Variants in CCDC85A observed in about 807,000 individuals in gnomAD.
The protein encoded by CCDC85A is coiled-coil domain-containing protein 85A.
A neutral mutation model predicts 50.2 loss-of-function variants in CCDC85A; 38 were observed. The observed-to-expected ratio is 0.76, with a 90% CI of 0.58 to 0.99. The LOEUF is 0.99. CCDC85A is among the 50% of genes least tolerant of loss of function. The pLI, the probability that CCDC85A is intolerant of heterozygous loss-of-function variation, is 0.00. For synonymous variants in CCDC85A, 366 were observed against 301.4 expected, an observed-to-expected ratio of 1.21 and a Z score of -2.22; for missense variants, 820 against 742.0, an observed-to-expected ratio of 1.11 and a Z score of -1.22.
intron 2 of CCDC85A, among the ~76,000 whole-genome samples, chr2:56,207,759 T>C (rs1391627795): frequency 6.6e-6 from 1 of 152,146 alleles, no homozygotes; most frequent in African/African-American, 2.4e-5. Flanking sequence ...AAACAAAATA[T>C]AAATTCTTTA....
intron 2 of CCDC85A, among the ~76,000 whole-genome samples, chr2:56,231,547 G>T (rs1301909266): frequency 6.6e-6 from 1 of 152,158 alleles, no homozygotes; most frequent in Non-Finnish European, 1.5e-5. Flanking sequence ...ATAGACTCAT[G>T]ACTCTTGGCT....
At chr2:56,358,961 A>ATTT (rs1247665108) in intron 3 of CCDC85A, among the ~76,000 whole-genome samples, 2 of 35,768 alleles carry the variant, frequency 5.6e-5, no homozygotes, top group African/African-American at 1.2e-4. Context: ...ATTTTTTTGT[A>ATTT]TTTTTTTTTT....
intron 2 of CCDC85A, among the ~76,000 whole-genome samples, chr2:56,213,793 C>T (rs1677277511): frequency 6.6e-6 from 1 of 151,948 alleles, no homozygotes; most frequent in Admixed American, 6.6e-5. Flanking sequence ...TGCCTCAACT[C>T]AGGCATAGAA....
At chr2:56,368,604 A>G (rs1016850434) in intron 3 of CCDC85A, among the ~76,000 whole-genome samples, 3 of 152,148 alleles carry the variant, frequency 2.0e-5, no homozygotes, top group Admixed American at 6.6e-5. Flanking sequence ...AGCATCTTTA[A>G]GTAACAGGAA....
intron 2 of CCDC85A, among the ~76,000 whole-genome samples, chr2:56,227,861 G>A: frequency 6.6e-6 from 1 of 152,142 alleles, no homozygotes; most frequent in East Asian, 1.9e-4. Flanking sequence ...GATTGCCCTT[G>A]TCCAGTGATG....
intron 2 of CCDC85A, among the ~76,000 whole-genome samples, chr2:56,246,997 AC>A (rs1336473166): frequency 1.3e-5 from 2 of 152,146 alleles, no homozygotes; most frequent in Non-Finnish European, 2.9e-5. Context: ...ATAATTTTCA[AC>A]ATTTTTCTAT....
At chr2:56,370,324 T>C (rs962130713) in intron 3 of CCDC85A, among the ~76,000 whole-genome samples, 3 of 152,260 alleles carry the variant, frequency 2.0e-5, no homozygotes, top group East Asian at 1.9e-4. Flanking sequence ...CCTTCATTAG[T>C]GTATAAATAC....
At chr2:56,215,270 G>C (rs1677343262) in intron 2 of CCDC85A, among the ~76,000 whole-genome samples, 2 of 151,846 alleles carry the variant, frequency 1.3e-5, no homozygotes, top group South Asian at 4.1e-4. Flanking sequence ...AGGTTTTCTT[G>C]TTGTTGGCGG....
intron 3 of CCDC85A, among the ~76,000 whole-genome samples, chr2:56,372,050 A>T (rs1558664001): frequency 6.6e-6 from 1 of 152,198 alleles, no homozygotes; most frequent in Non-Finnish European, 1.5e-5. Flanking sequence ...CATAAAATAA[A>T]GTTGTTTAAA....
intron 2 of CCDC85A, among the ~76,000 whole-genome samples, chr2:56,277,051 C>G (rs1670981778): frequency 6.6e-6 from 1 of 152,144 alleles, no homozygotes; most frequent in Non-Finnish European, 1.5e-5. Flanking sequence ...TGCTGGGACT[C>G]TCTGAGGCCG....
At chr2:56,207,203 A>C (rs566032798) in intron 2 of CCDC85A, among the ~76,000 whole-genome samples, 20 of 152,202 alleles carry the variant, frequency 1.3e-4, no homozygotes, top group Non-Finnish European at 2.5e-4. Context: ...GTTATGTTCT[A>C]TCTAAATCTC....
Position 56,185,010 on chromosome 2 carries a change from C to T in CCDC85A, c.276+110C>T, listed in dbSNP as rs888441115. The T allele has an allele frequency of 5.3e-6, 7 of 1,328,806 alleles. No individual in the cohort carries two copies. The East Asian group carries it at 1.4e-4, about 27-fold the overall frequency. 82.3% of individuals were successfully genotyped at this position (1,328,806 alleles called of 1,614,324 possible). On this transcript the variant is annotated intron_variant, in intron 1 of 5. Coordinates refer to ENST00000407595, the MANE Select transcript of CCDC85A (RefSeq NM_001080433.2). ...CCCTCCCTCAACAGGTGACCCTCCC[C>T]TTCTCCCGGTCGGCACCCCCTACCC... is the stretch of plus-strand genomic sequence containing the variant.
At chr2:56,186,533 G>T (rs1401447254) in intron 1 of CCDC85A, among the ~76,000 whole-genome samples, 2 of 152,150 alleles carry the variant, frequency 1.3e-5, no homozygotes, top group East Asian at 1.9e-4. Context: ...CCAAGATTTT[G>T]GTTTCTTAGG....
chr2:56,355,499 T>C (rs1675178783), intron 3 of CCDC85A, among the ~76,000 whole-genome samples: 1 of 152,214 alleles, frequency 6.6e-6, no homozygotes, highest in African/African-American at 2.4e-5. Flanking sequence ...ATTTCAGAAA[T>C]GCTTAATTGA....
At position 56,326,176 on chromosome 2, in the gene CCDC85A, G is replaced by A. The variant is rs1023884985; in HGVS notation, c.1241-16703G>A. 2.0e-5 allele frequency among the ~76,000 whole-genome samples: 3 copies of A among 151,988 alleles called. No individual in the cohort carries two copies. The East Asian group carries it at 5.8e-4, about 29-fold the overall frequency. On this transcript the variant is annotated intron_variant, in intron 2 of 5. Coordinates refer to ENST00000407595, the MANE Select transcript of CCDC85A (RefSeq NM_001080433.2). ...AATGGGCTTTGCTGGGCACACCTCA[G>A]GTTAAGTCCAGAAATTGCAGCCTAC... is the stretch of plus-strand genomic sequence containing the variant.
At chr2:56,258,646 C>T (rs906045546) in intron 2 of CCDC85A, among the ~76,000 whole-genome samples, 2 of 152,168 alleles carry the variant, frequency 1.3e-5, no homozygotes, top group African/African-American at 2.4e-5. Flanking sequence ...ATATCTGTGG[C>T]AGGGATAAAG....
intron 3 of CCDC85A, among the ~76,000 whole-genome samples, chr2:56,345,502 A>G (rs1253762025): frequency 1.3e-5 from 2 of 152,228 alleles, no homozygotes; most frequent in Non-Finnish European, 2.9e-5. Context: ...AGATCTGTCA[A>G]TTCAAAAACA....
chr2:56,300,027 C>T (rs889639225), intron 2 of CCDC85A, among the ~76,000 whole-genome samples: 20 of 152,108 alleles, frequency 1.3e-4, no homozygotes, highest in African/African-American at 3.6e-4. Context: ...GGTGACAAAA[C>T]GGTGTATGCT....
At chr2:56,348,184 T>C (rs12328027) in intron 3 of CCDC85A, among the ~76,000 whole-genome samples, 7,479 of 152,212 alleles carry the variant, frequency 0.049, 614 homozygotes, top group African/African-American at 0.17. Context: ...ATTAGGAAAT[T>C]TGTTCTTTTT....
Sources: allele counts gnomAD v4.1 joint callset (sites outside exome capture counted in the v4.1 genomes callset), GRCh38; gene constraint gnomAD v4.1.1; transcripts MANE v1.5; gene names NCBI Gene and HGNC (gene_info 2026-07-23, HGNC 2026-07-21).